The following AP3B1 variants were observed in gnomAD, a reference collection of about 807,000 sequenced individuals.
AP3B1 encodes the protein adaptor related protein complex 3 subunit beta 1, also known as AP-3 complex subunit beta-1.
In AP3B1, 61 loss-of-function variants were observed where a neutral mutation model predicts 132.5. The observed-to-expected ratio is 0.46, with a 90% confidence interval of 0.37 to 0.57. AP3B1 has a LOEUF of 0.57. Among genes scored for constraint, AP3B1 ranks in the 20% least tolerant of loss-of-function variants. The pLI, the probability that AP3B1 is intolerant of heterozygous loss-of-function variation, is 0.00. For synonymous variants in AP3B1, 388 were observed against 438.3 expected, an observed-to-expected ratio of 0.89 and a Z score of 1.43; for missense variants, 1,120 against 1,289.4, an observed-to-expected ratio of 0.87 and a Z score of 2.01.
chr5:78,177,577 TGAA>T, intron 8 of AP3B1, 141 bp from the exon 9 acceptor site: 1 of 717,368 alleles, frequency 1.4e-6, no homozygotes, highest in East Asian at 2.7e-5. Context: ...CGTAGTGAGT[TGAA>T]GAAGTGTCCC....
At chr5:78,273,776 GA>G (rs2112571328) in intron 1 of AP3B1, among the ~76,000 whole-genome samples, 1 of 152,028 alleles carries the variant, frequency 6.6e-6, no homozygotes, top group African/African-American at 2.4e-5. Context: ...GATGCCCGAG[GA>G]GTATAAGAAA....
At chr5:78,134,795 G>A (rs552692042) in intron 15 of AP3B1, among the ~76,000 whole-genome samples, 4 of 152,214 alleles carry the variant, frequency 2.6e-5, no homozygotes, top group Admixed American at 6.5e-5. Flanking sequence ...TGCCCGTCTC[G>A]GCCTCCCAAA....
chr5:78,175,104 G>A (rs1185440371), intron 11 of AP3B1, among the ~76,000 whole-genome samples: 3 of 152,348 alleles, frequency 2.0e-5, no homozygotes, highest in South Asian at 2.1e-4. Flanking sequence ...AGAGTGTCCC[G>A]TTTTTCCAGG....
intron 6 of AP3B1, among the ~76,000 whole-genome samples, chr5:78,224,407 T>TGGGG (rs1176512022): frequency 2.6e-5 from 4 of 152,146 alleles, no homozygotes; most frequent in Non-Finnish European, 5.9e-5. Flanking sequence ...CTAGAACATA[T>TGGGG]TCACTTAATC....
At chr5:78,077,676 T>G (rs414638) in intron 22 of AP3B1, among the ~76,000 whole-genome samples, 41,854 of 151,950 alleles carry the variant, frequency 0.28, 6,374 homozygotes, top group African/African-American at 0.39. Context: ...TAGTTCCTCT[T>G]CTAGGAGCGT....
At chr5:78,016,715 G>T (rs1746870218) in intron 25 of AP3B1, among the ~76,000 whole-genome samples, 1 of 152,046 alleles carries the variant, frequency 6.6e-6, no homozygotes, top group African/African-American at 2.4e-5. Flanking sequence ...CCGTCAGTTA[G>T]AAAATAGAAC....
intron 7 of AP3B1, among the ~76,000 whole-genome samples, chr5:78,193,756 A>ATC (rs1744952888): frequency 8.6e-6 from 1 of 116,846 alleles, no homozygotes; most frequent in African/African-American, 3.3e-5. Context: ...ATATATATAT[A>ATC]TATATATATA....
intron 20 of AP3B1, among the ~76,000 whole-genome samples, chr5:78,103,702 A>G (rs1364876393): frequency 6.6e-6 from 1 of 152,170 alleles, no homozygotes; most frequent in Non-Finnish European, 1.5e-5. Flanking sequence ...ATACCTAGTT[A>G]TCAATTCATC....
intron 20 of AP3B1, chr5:78,101,438 T>G: frequency 2.7e-6 from 1 of 365,564 alleles, no homozygotes; most frequent in South Asian, 2.3e-5. Flanking sequence ...TTTGATGGGC[T>G]TGTGATAGGT....
intron 22 of AP3B1, among the ~76,000 whole-genome samples, chr5:78,072,237 T>C (rs1749570358): frequency 6.6e-6 from 1 of 152,240 alleles, no homozygotes; most frequent in African/African-American, 2.4e-5. Context: ...ATTCCATGTA[T>C]TATTTCATCA....
chr5:78,193,770 A>ATATATATATATATATATATTTTT, intron 7 of AP3B1, among the ~76,000 whole-genome samples: 8 of 67,214 alleles, frequency 1.2e-4, no homozygotes, highest in African/African-American at 3.6e-4. Context: ...ATATATATAT[A>ATATATATATATATATATATTTTT]TTTTTTTTTT....
At chr5:78,105,382 A>G (rs1465340879) in intron 20 of AP3B1, among the ~76,000 whole-genome samples, 2 of 152,170 alleles carry the variant, frequency 1.3e-5, no homozygotes, top group East Asian at 3.9e-4. Context: ...GAAACTTTAA[A>G]AGCATTATTT....
At chr5:78,041,424 T>C (rs572887001) in intron 22 of AP3B1, among the ~76,000 whole-genome samples, 1 of 151,920 alleles carries the variant, frequency 6.6e-6, no homozygotes, top group African/African-American at 2.4e-5. Context: ...CTGGGTGTGG[T>C]GCATTGCGCC....
intron 7 of AP3B1, among the ~76,000 whole-genome samples, chr5:78,207,970 C>T (rs1745578679): frequency 6.6e-6 from 1 of 152,108 alleles, no homozygotes. Flanking sequence ...GAGAGTGACA[C>T]TGAAAGTCTC....
chr5:78,165,551 C>T, intron 12 of AP3B1, 59 bp downstream of exon 12: 2 of 1,115,372 alleles, frequency 1.8e-6, no homozygotes, highest in East Asian at 2.4e-5. Flanking sequence ...GAAAAAGATG[C>T]ATATTTAAGA....
intron 14 of AP3B1, among the ~76,000 whole-genome samples, chr5:78,145,740 G>T (rs1753362561): frequency 6.6e-6 from 1 of 152,190 alleles, no homozygotes; most frequent in South Asian, 2.1e-4. Context: ...TTTCAGGGCA[G>T]ACCCAGGCCA....
intron 26 of AP3B1, among the ~76,000 whole-genome samples, chr5:78,005,351 C>A (rs1746346873): frequency 6.6e-6 from 1 of 152,174 alleles, no homozygotes; most frequent in Admixed American, 6.5e-5. Flanking sequence ...CCCCAAGGCA[C>A]ATTTTGTCTC....
intron 22 of AP3B1, among the ~76,000 whole-genome samples, chr5:78,062,067 T>C (rs1275894151): frequency 1.3e-5 from 2 of 152,202 alleles, no homozygotes; most frequent in Admixed American, 6.5e-5. Context: ...ATATTTTTAT[T>C]TGCAGTGAAA....
chr5:78,225,390 A>C, intron 6 of AP3B1, 152 bp downstream of exon 6: 1 of 449,336 alleles, frequency 2.2e-6, no homozygotes, highest in East Asian at 3.4e-5. Flanking sequence ...ATTACATGAA[A>C]ATTTTTGTTC....
Sources: gnomAD v4.1 joint callset for allele counts (sites outside exome capture counted in the v4.1 genomes callset) on GRCh38, gnomAD v4.1.1 for gene constraint, MANE v1.5 for transcripts, NCBI Gene and HGNC (gene_info 2026-07-23, HGNC 2026-07-21) for gene names.